FRAS1: variants seen among roughly 807,000 people sequenced by gnomAD.
FRAS1 encodes the protein Fraser extracellular matrix complex subunit 1.
FRAS1 carries 290 observed loss-of-function variants against 435.2 expected under a neutral mutation model. The ratio of observed to expected loss-of-function variants is 0.67; its 90% confidence interval spans 0.61 to 0.73. The LOEUF is 0.73. FRAS1 is among the 30% of genes least tolerant of loss of function. The pLI, the probability that FRAS1 is intolerant of heterozygous loss-of-function variation, is 0.00. For synonymous variants in FRAS1, 1,800 were observed against 1,851.0 expected (o/e 0.97, Z 0.71); for missense variants, 4,860 against 5,001.5 (o/e 0.97, Z 0.85).
intron 2 of FRAS1, among the ~76,000 whole-genome samples, chr4:78,149,390 A>T (rs1382684514): frequency 1.3e-5 from 2 of 152,218 alleles, no homozygotes; most frequent in Non-Finnish European, 2.9e-5. Flanking sequence ...ATACATACTC[A>T]TAGTAAAAAA....
intron 16 of FRAS1, 91 bp downstream of exon 16, chr4:78,315,825 G>T (rs893500228): frequency 2.9e-6 from 4 of 1,378,182 alleles, no homozygotes; most frequent in Non-Finnish European, 4.1e-6. Context: ...TTGGGAACTC[G>T]AGTGTATGAT....
intron 38 of FRAS1, 38 bp downstream of exon 38, chr4:78,432,642 C>T (rs751503798): frequency 8.8e-5 from 134 of 1,521,460 alleles, no homozygotes; most frequent in Non-Finnish European, 1.1e-4. Flanking sequence ...TCTCCACCGC[C>T]GCATCTTCTG....
intron 5 of FRAS1, among the ~76,000 whole-genome samples, chr4:78,254,146 T>C (rs1023083717): frequency 3.3e-5 from 5 of 152,170 alleles, no homozygotes; most frequent in Admixed American, 6.5e-5. Context: ...CTTGTTCCCA[T>C]ACTCTTTTTA....
intron 19 of FRAS1, among the ~76,000 whole-genome samples, chr4:78,336,465 G>T (rs1371044576): frequency 6.6e-6 from 1 of 152,180 alleles, no homozygotes; most frequent in Admixed American, 6.5e-5. Context: ...ACCATAAGCA[G>T]CAGGGCACCC....
chr4:78,463,925 C>A lies in FRAS1; in HGVS notation c.6764-96C>A, dbSNP rs1325417040. ...AATGCTATAAGAAAAATACAAAGGA[C>A]TCTCTATCTGGTGAGAGTATGACAC... On this transcript the variant is annotated intron_variant, in intron 47 of 73. Transcript: ENST00000512123. The A allele has an allele frequency of 3.0e-6, 4 of 1,339,578 alleles. No individual in the cohort carries two copies. The African/African-American group carries it at 4.4e-5, about 15-fold the overall frequency. The allele number at this position is 1,339,578 out of a possible 1,614,324, so 83.0% of individuals were successfully genotyped here.
intron 22 of FRAS1, among the ~76,000 whole-genome samples, chr4:78,368,593 C>A (rs955544949): frequency 6.6e-6 from 1 of 152,234 alleles, no homozygotes; most frequent in East Asian, 1.9e-4. Flanking sequence ...TTACAAGGAA[C>A]AAAACAGACC....
chr4:78,527,955 G>T (rs1450255856), intron 70 of FRAS1, among the ~76,000 whole-genome samples: 1 of 152,112 alleles, frequency 6.6e-6, no homozygotes, highest in Non-Finnish European at 1.5e-5. Context: ...TGAGGGAAGG[G>T]CTGGCCATAG....
chr4:78,156,663 A>C (rs17002987), intron 2 of FRAS1, among the ~76,000 whole-genome samples: 5,447 of 152,214 alleles, frequency 0.036, 329 homozygotes, highest in African/African-American at 0.12. Context: ...CTTTGGGTCT[A>C]AAAAATGACC....
At chr4:78,372,538 A>T (rs1417075607) in intron 23 of FRAS1, among the ~76,000 whole-genome samples, 180 bp from the exon 24 acceptor site, 1 of 152,190 alleles carries the variant, frequency 6.6e-6, no homozygotes, top group Non-Finnish European at 1.5e-5. Context: ...GGAACACTTA[A>T]ACCTCAGAGA....
At chr4:78,448,936 C>T (rs1718938289) in intron 44 of FRAS1, among the ~76,000 whole-genome samples, 1 of 152,138 alleles carries the variant, frequency 6.6e-6, no homozygotes, top group South Asian at 2.1e-4. Flanking sequence ...CTGCATCTTA[C>T]TAGAGTTCTG....
intron 2 of FRAS1, among the ~76,000 whole-genome samples, chr4:78,114,589 A>T (rs1743003145): frequency 6.6e-6 from 1 of 152,244 alleles, no homozygotes; most frequent in South Asian, 2.1e-4. Flanking sequence ...TCTCTGAAGC[A>T]ATTGTGAATG....
chr4:78,316,504 C>T (rs1368480061), intron 16 of FRAS1, among the ~76,000 whole-genome samples: 1 of 152,094 alleles, frequency 6.6e-6, no homozygotes, highest in African/African-American at 2.4e-5. Context: ...CTGTGTCCTG[C>T]CCCCACGTTC....
rs1721824841 is a variant in FRAS1, at chr4:78,534,636, G to T, written c.11092+21G>T. 21 of 1,607,808 alleles carry T rather than the reference G, an allele frequency of 1.3e-5. No individual in the cohort carries two copies. The Middle Eastern group carries it at 5.0e-4, about 38-fold the overall frequency. On this transcript the variant is annotated intron_variant, in intron 71 of 73. Transcript: ENST00000512123. The stretch of plus-strand genomic sequence containing the variant: ...AAAAGGTGAGTTGCTTCCTCCACCT[G>T]CAGAAAGAGGCTCTGCCTGGATATG...
intron 51 of FRAS1, among the ~76,000 whole-genome samples, chr4:78,471,090 G>A (rs533792141): frequency 6.6e-6 from 1 of 152,230 alleles, no homozygotes; most frequent in Non-Finnish European, 1.5e-5. Context: ...GTAGGTAAGT[G>A]TGCACAGATG....
chr4:78,323,085 G>C (rs1729571314), intron 18 of FRAS1, among the ~76,000 whole-genome samples: 1 of 152,174 alleles, frequency 6.6e-6, no homozygotes, highest in Non-Finnish European at 1.5e-5. Flanking sequence ...ATGGCCACTT[G>C]TATGCATTTG....
Position 78,278,592 on chromosome 4 carries a change from A to T in FRAS1, c.982-63A>T, listed in dbSNP as rs999418761. ...AGTCAGGGAACCCAACTGCTTCTCA[A>T]TTTAGCCCTGCTACCTGGAGATGTT... On this transcript the variant is annotated intron_variant, in intron 9 of 73. Transcript: ENST00000512123. 5.3e-6 allele frequency: 5 copies of T among 943,874 alleles called. No homozygotes were observed. The African/African-American group carries it at 8.1e-5, about 15-fold the overall frequency. 58.5% of individuals were successfully genotyped at this position (943,874 alleles called of 1,614,324 possible). A position where few individuals can be genotyped will look rare whatever the true frequency, so the allele number is the denominator to read the frequency against.
intron 67 of FRAS1, among the ~76,000 whole-genome samples, chr4:78,519,801 C>T (rs536184992): frequency 4.2e-4 from 64 of 152,192 alleles, no homozygotes; most frequent in African/African-American, 1.5e-3. Context: ...TTCATTTTCT[C>T]CTAGTGAAAA....
chr4:78,296,267 A>T (rs541334125), intron 14 of FRAS1, among the ~76,000 whole-genome samples: 1 of 151,428 alleles, frequency 6.6e-6, no homozygotes, highest in South Asian at 2.1e-4. Flanking sequence ...ACTTTTTTCT[A>T]TTATGAAGTT....
rs956864124 is a variant in FRAS1, at chr4:78,115,496, T to G, written c.108+49480T>G. On this transcript the variant is annotated intron_variant, in intron 2 of 73. Coordinates refer to ENST00000512123, the MANE Select transcript of FRAS1 (RefSeq NM_025074.7). Reference sequence around the variant, plus strand: ...GGTTGGTAAGCTATTAATTATTGCCTCAATTTCAGAGCCTGTTATTGATCT... The same window carrying G: ...GGTTGGTAAGCTATTAATTATTGCCGCAATTTCAGAGCCTGTTATTGATCT... 3.9e-5 allele frequency among the ~76,000 whole-genome samples: 6 copies of G among 152,186 alleles called. No individual in the cohort carries two copies. The South Asian group carries it at 1.0e-3, about 26-fold the overall frequency.
Sources: gnomAD v4.1 joint callset for allele counts (sites outside exome capture counted in the v4.1 genomes callset) on GRCh38, gnomAD v4.1.1 for gene constraint, MANE v1.5 for transcripts, NCBI Gene and HGNC (gene_info 2026-07-23, HGNC 2026-07-21) for gene names.